MAP7: variants seen among roughly 807,000 people sequenced by gnomAD.
MAP7 encodes microtubule associated protein 7, also known as ensconsin.
Under a neutral mutation model 94.8 loss-of-function variants are expected in MAP7, and 52 were observed. The ratio of observed to expected loss-of-function variants is 0.55; its 90% CI spans 0.44 to 0.69. The LOEUF is 0.69. Among genes scored for constraint, MAP7 ranks in the 30% least tolerant of loss-of-function variants. MAP7 has a pLI of 0.00. For missense variants in MAP7, 940 were observed against 964.6 expected (o/e 0.97, Z 0.34); for synonymous variants, 350 against 357.0 (o/e 0.98, Z 0.22).
Position 136,365,885 on chromosome 6 carries a change from C to T in MAP7, c.1123G>A (p.Glu375Lys), listed in dbSNP as rs891685890. 2 of 1,614,034 alleles carry T rather than the reference C, an allele frequency of 1.2e-6. No individual in the cohort carries two copies. Among genetic ancestry groups the T allele is most frequent in the African/African-American group, 2.7e-5 (2 of 74,918 alleles). The stretch of plus-strand genomic sequence containing the variant: ...TTCTTCTCAGGCTCCACTTTGACTT[C>T]CCTCTTGACAGGGCGGATGTTGCCG... ...SPGNIRPVKR[E>K]VKVEPEKKDP... Residue 375 changes from glutamate to lysine, a missense_variant, in exon 10 of 18, where the codon GAA (glutamate) becomes AAA (lysine). Glu to Lys is a moderately conservative substitution (Grantham distance 56, BLOSUM62 1). Coordinates refer to ENST00000354570, the MANE Select transcript of MAP7 (RefSeq NM_003980.6).
rs78432236 is a variant in MAP7, at chr6:136,492,399, G to A, written c.67+57943C>T. Among the ~76,000 whole-genome samples the A allele has an allele frequency of 1.4e-3, 220 of 152,256 alleles. 6 individuals are homozygous for A. In the East Asian group the frequency reaches 0.037, roughly 26 times the overall value. ...ATTCATCTTAAACTCCTGGAACTAT[G>A]AACCCTCCCATGTAATTTTCTGATG... is the stretch of plus-strand genomic sequence containing the variant. On this transcript the variant is annotated intron_variant, in intron 1 of 17. Coordinates refer to ENST00000354570, the MANE Select transcript of MAP7 (RefSeq NM_003980.6).
chr6:136,421,593 T>G lies in MAP7; in HGVS notation c.166+108A>C. 2.8e-6 allele frequency: 3 copies of G among 1,073,932 alleles called. No individual in the cohort carries two copies. The South Asian group carries it at 4.3e-5, about 16-fold the overall frequency. 66.5% of individuals were successfully genotyped at this position (1,073,932 alleles called of 1,614,324 possible). ...AAACCAAGCTCTCCTAAATTCGAGT[T>G]TTCTGGAAACTAGAATTTAAACAAA... is the stretch of plus-strand genomic sequence containing the variant. On this transcript the variant is annotated intron_variant, in intron 2 of 17. Transcript: ENST00000354570.
chr6:136,362,602 T>C lies in MAP7; in HGVS notation c.1374A>G (p.Ser458=). The C allele has an allele frequency of 6.2e-7, 1 of 1,613,920 alleles. No individual in the cohort carries two copies. Among genetic ancestry groups the C allele is most frequent in the African/African-American group, 1.3e-5 (1 of 74,988 alleles). Residue 458 remains serine (S), a synonymous_variant, in exon 11 of 18, where the codon TCA becomes TCG. Coordinates refer to ENST00000354570, the MANE Select transcript of MAP7 (RefSeq NM_003980.6). ...VPTPAMVSAP[S]STVNASASVK... ...CAGAAGCACTGGCATTCACAGTGGA[T>C]GACGGGGCTGAGACCATGGCTGGGG...
chr6:136,520,641 A>G (rs1826139258), intron 1 of MAP7, among the ~76,000 whole-genome samples: 2 of 152,244 alleles, frequency 1.3e-5, no homozygotes, highest in Admixed American at 6.5e-5. Flanking sequence ...CCTTTGTGCC[A>G]GGAATGAGGA....
intron 8 of MAP7, among the ~76,000 whole-genome samples, chr6:136,367,377 G>A (rs1344110097): frequency 6.6e-6 from 1 of 152,202 alleles, no homozygotes; most frequent in Non-Finnish European, 1.5e-5. Flanking sequence ...AGCGTACATG[G>A]GAAGGGGCAG....
chr6:136,421,222 C>A (rs1403752497), intron 2 of MAP7, among the ~76,000 whole-genome samples: 1 of 152,140 alleles, frequency 6.6e-6, no homozygotes, highest in African/African-American at 2.4e-5. Flanking sequence ...GGAAACAAAA[C>A]CATAATTCTA....
At chr6:136,492,336 T>C (rs1316059001) in intron 1 of MAP7, among the ~76,000 whole-genome samples, 1 of 152,242 alleles carries the variant, frequency 6.6e-6, no homozygotes, top group South Asian at 2.1e-4. Context: ...CTAGTATCTT[T>C]ACAGTGACTA....
intron 1 of MAP7, among the ~76,000 whole-genome samples, chr6:136,517,887 G>A (rs1170365720): frequency 1.3e-5 from 2 of 152,142 alleles, no homozygotes; most frequent in Admixed American, 1.3e-4. Context: ...GGGCTCAGAG[G>A]CGACAACTGG....
At chr6:136,506,263 C>G (rs1234145717) in intron 1 of MAP7, among the ~76,000 whole-genome samples, 1 of 152,020 alleles carries the variant, frequency 6.6e-6, no homozygotes, top group Non-Finnish European at 1.5e-5. Context: ...AAACTTGTAA[C>G]AAGTTAATCC....
At chr6:136,485,774 G>C (rs939219720) in intron 1 of MAP7, among the ~76,000 whole-genome samples, 4 of 151,726 alleles carry the variant, frequency 2.6e-5, no homozygotes, top group African/African-American at 9.7e-5. Flanking sequence ...ATTTTAACCG[G>C]GATGGTCTCG....
chr6:136,415,568 TTGTGCAACGTAA>T (rs1789115430), intron 2 of MAP7, among the ~76,000 whole-genome samples: 1 of 152,190 alleles, frequency 6.6e-6, no homozygotes, highest in Admixed American at 6.5e-5. Context: ...CAATGCCCGA[TTGTGCAACGTAA>T]TGCTTCCCCC....
chr6:136,400,801 T>A (rs1783850763), intron 3 of MAP7, among the ~76,000 whole-genome samples: 1 of 152,216 alleles, frequency 6.6e-6, no homozygotes. Context: ...ATTGCCTCTA[T>A]ATTCACTTCT....
chr6:136,471,299 A>G (rs867898955), intron 1 of MAP7, among the ~76,000 whole-genome samples: 2 of 152,182 alleles, frequency 1.3e-5, no homozygotes, highest in South Asian at 4.1e-4. Context: ...CCCAATGACA[A>G]CCCAGGGGTA....
intron 1 of MAP7, among the ~76,000 whole-genome samples, chr6:136,484,117 G>T (rs182772121): frequency 6.6e-6 from 1 of 152,138 alleles, no homozygotes; most frequent in Non-Finnish European, 1.5e-5. Flanking sequence ...CTTGGCTCAC[G>T]CGAAGCCCTG....
At chr6:136,465,088 G>A (rs1806528020) in intron 1 of MAP7, among the ~76,000 whole-genome samples, 1 of 152,164 alleles carries the variant, frequency 6.6e-6, no homozygotes, top group South Asian at 2.1e-4. Context: ...GCCGTATGTC[G>A]AGTACACACA....
rs1325119971 is a variant in MAP7 at position 136,456,849 on chromosome 6, G to GGAAGAA, written c.68-35056_68-35051dup. Among the ~76,000 whole-genome samples the GGAAGAA allele has an allele frequency of 1.1e-3, 78 of 72,496 alleles. 3 individuals are homozygous for GGAAGAA. The highest frequency in any genetic ancestry group is 3.8e-3 in the African/African-American group (71 of 18,556). 47.6% of individuals were successfully genotyped at this position (72,496 alleles called of 152,430 possible). Reference sequence around the variant, plus strand: ...AAGAAGAAGAAGAAGAAGAAGAAGAGGAAGAAGAAGAAGAAGAAGAAGAAA... The same window carrying GGAAGAA: ...AAGAAGAAGAAGAAGAAGAAGAAGAGGAAGAAGAAGAAGAAGAAGAAGAAGAAGAAA... On this transcript the variant is annotated intron_variant, in intron 1 of 17. Coordinates refer to ENST00000354570, the MANE Select transcript of MAP7 (RefSeq NM_003980.6).
At position 136,448,117 on chromosome 6, in the gene MAP7, C is replaced by T. The variant is rs567748851; in HGVS notation, c.68-26318G>A. ...TGAGGCAGGAAAATCACTTGAATCC[C>T]AGAGGTGGAGGTTGCAGTGAGCCGA... On this transcript the variant is annotated intron_variant, in intron 1 of 17. Transcript: ENST00000354570. Among the ~76,000 whole-genome samples, 3 of 152,020 alleles carry T rather than the reference C, an allele frequency of 2.0e-5. No homozygotes were observed. In the East Asian group the frequency reaches 5.8e-4, roughly 30 times the overall value.
At chr6:136,359,028 C>T (rs1791772969) in intron 15 of MAP7, among the ~76,000 whole-genome samples, 1 of 152,154 alleles carries the variant, frequency 6.6e-6, no homozygotes, top group African/African-American at 2.4e-5. Context: ...AAGCAAACCA[C>T]TTCACAAGGC....
intron 2 of MAP7, among the ~76,000 whole-genome samples, chr6:136,416,912 G>A (rs917594777): frequency 6.6e-6 from 1 of 152,082 alleles, no homozygotes; most frequent in South Asian, 2.1e-4. Context: ...AGGAGTTTGA[G>A]ACCAGCCCAG....
Sources: gnomAD v4.1 joint callset for allele counts (sites outside exome capture counted in the v4.1 genomes callset) on GRCh38, gnomAD v4.1.1 for gene constraint, MANE v1.5 for transcripts, NCBI Gene and HGNC (gene_info 2026-07-23, HGNC 2026-07-21) for gene names.